ZFPM2: variants seen among roughly 807,000 people sequenced by gnomAD.
ZFPM2 encodes zinc finger protein, FOG family member 2.
In ZFPM2, 20 loss-of-function variants were observed where a neutral mutation model predicts 98.6. That is an observed-to-expected ratio of 0.20 (90% confidence interval 0.14 to 0.29). ZFPM2 has a LOEUF of 0.29. Ranked by LOEUF, ZFPM2 falls within the 10% of genes least tolerant of loss-of-function variation. ZFPM2 has a pLI of 1.00. For missense variants in ZFPM2, 1,310 were observed against 1,388.6 expected, an observed-to-expected ratio of 0.94 and a Z score of 0.90; for synonymous variants, 518 against 502.7, an observed-to-expected ratio of 1.03 and a Z score of -0.41.
chr8:105,427,164 A>G (rs1197422378), intron 2 of ZFPM2, among the ~76,000 whole-genome samples: 1 of 152,216 alleles, frequency 6.6e-6, no homozygotes, highest in Non-Finnish European at 1.5e-5. Flanking sequence ...TTATGAGAGT[A>G]AACATATTCT....
At chr8:105,722,079 G>A (rs1478419470) in intron 5 of ZFPM2, among the ~76,000 whole-genome samples, 1 of 151,472 alleles carries the variant, frequency 6.6e-6, no homozygotes, top group Non-Finnish European at 1.5e-5. Context: ...TCCTTTTTAT[G>A]TAGTTATTAA....
chr8:105,783,670 C>G (rs1385702209), intron 5 of ZFPM2, among the ~76,000 whole-genome samples: 1 of 152,142 alleles, frequency 6.6e-6, no homozygotes, highest in East Asian at 1.9e-4. Context: ...TCATTTCACT[C>G]AGTACAATGT....
At chr8:105,766,732 G>T (rs1387728122) in intron 5 of ZFPM2, among the ~76,000 whole-genome samples, 1 of 151,806 alleles carries the variant, frequency 6.6e-6, no homozygotes, top group African/African-American at 2.4e-5. Context: ...GACTCATTCA[G>T]GAAAATCCAT....
At position 105,529,260 on chromosome 8, in the gene ZFPM2, AC is replaced by A. The variant is rs1221758799; in HGVS notation, c.302-32101del. ...TTGCTCACAGATATTACTTGATTTT[AC>A]CTTGATTACCTTAAATGCCCTACTT... is the stretch of plus-strand genomic sequence containing the variant. On this transcript the variant is annotated intron_variant, in intron 3 of 7. Transcript: ENST00000407775. Among the ~76,000 whole-genome samples, 5 of 152,106 alleles carry A rather than the reference AC, an allele frequency of 3.3e-5. No individual in the cohort carries two copies. The East Asian group carries it at 9.7e-4, about 29-fold the overall frequency.
intron 5 of ZFPM2, among the ~76,000 whole-genome samples, chr8:105,647,554 T>G (rs62528600): frequency 0.17 from 22,177 of 133,790 alleles, 1,984 homozygotes; most frequent in Middle Eastern, 0.32. Context: ...CAGGCCCCAG[T>G]GTGTGATGTT....
At chr8:105,468,233 G>T (rs543640271) in intron 3 of ZFPM2, among the ~76,000 whole-genome samples, 25 of 151,788 alleles carry the variant, frequency 1.6e-4, no homozygotes, top group African/African-American at 5.8e-4. Flanking sequence ...CTTCCCAGGG[G>T]TACTTGACAC....
rs188690943 is a variant in ZFPM2, at chr8:105,511,593, C to T, written c.302-49770C>T. ...ATTTAGACACTTTCTGAACTCATCA[C>T]ATTGCTGATCCAATATTAACATTTT... On this transcript the variant is annotated intron_variant, in intron 3 of 7. Transcript: ENST00000407775. 2.8e-3 allele frequency among the ~76,000 whole-genome samples: 426 copies of T among 152,298 alleles called. 1 individual carries two copies. Among genetic ancestry groups the T allele is most frequent in the African/African-American group, 1.0e-2 (414 of 41,560 alleles).
intron 3 of ZFPM2, among the ~76,000 whole-genome samples, chr8:105,490,688 T>TCC (rs139383732): frequency 0.011 from 1,693 of 152,326 alleles, 26 homozygotes; most frequent in African/African-American, 0.037. Flanking sequence ...AAGGCGGGAA[T>TCC]ACTTTCTTAT....
chr8:105,357,645 G>A (rs1380994073), intron 1 of ZFPM2, among the ~76,000 whole-genome samples: 7 of 151,248 alleles, frequency 4.6e-5, no homozygotes, highest in Admixed American at 4.6e-4. Context: ...AAAATTTTTT[G>A]CCACTTAGAA....
At chr8:105,762,807 A>G (rs1406015832) in intron 5 of ZFPM2, among the ~76,000 whole-genome samples, 1 of 151,966 alleles carries the variant, frequency 6.6e-6, no homozygotes, top group Non-Finnish European at 1.5e-5. Context: ...ATGGCACAGT[A>G]CTGATAACAC....
chr8:105,801,560 C>G lies in ZFPM2; in HGVS notation c.1478C>G (p.Pro493Arg). The G allele has an allele frequency of 6.2e-7, 1 of 1,613,904 alleles. No homozygotes were observed. Among genetic ancestry groups the G allele is most frequent in the Non-Finnish European group, 8.5e-7 (1 of 1,179,868 alleles). Residue 493 changes from proline (P) to arginine (R), a missense_variant, in exon 8 of 8, where the codon CCT (proline) becomes CGT (arginine). By Grantham distance (103) the Pro-to-Arg change is moderately radical. Coordinates refer to ENST00000407775, the MANE Select transcript of ZFPM2 (RefSeq NM_012082.4). ...PVQPNIGPSFPVGPFLSQFSF... is the reference protein window; with the variant it reads ...PVQPNIGPSFRVGPFLSQFSF... ...CAGCCTAATATTGGGCCTTCTTTCC[C>G]TGTGGGCCCTTTCCTATCTCAGTTT...
chr8:105,380,695 A>AC (rs1586329756), intron 1 of ZFPM2, among the ~76,000 whole-genome samples: 1 of 14,190 alleles, frequency 7.0e-5, no homozygotes, highest in Non-Finnish European at 1.2e-4. Flanking sequence ...TATTATATAT[A>AC]ACATATATAA....
rs61304474 is a variant in ZFPM2, at chr8:105,408,682, AT to A, written c.41-10452del. Among the ~76,000 whole-genome samples, 34 of 150,132 alleles carry A rather than the reference AT, an allele frequency of 2.3e-4. No individual in the cohort carries two copies. In the Middle Eastern group the frequency reaches 0.017, roughly 76 times the overall value. ...CAACAATGCTTTGTTTTATGTGAGG[AT>A]TTTTTTTTTCTGGCTGTGCAAAGAA... On this transcript the variant is annotated intron_variant, in intron 1 of 7. Coordinates refer to ENST00000407775, the MANE Select transcript of ZFPM2 (RefSeq NM_012082.4).
At chr8:105,516,903 G>A (rs149969749) in intron 3 of ZFPM2, among the ~76,000 whole-genome samples, 19 of 152,236 alleles carry the variant, frequency 1.2e-4, no homozygotes, top group African/African-American at 4.6e-4. Context: ...CCCACAATTA[G>A]CCAGTGATAA....
intron 1 of ZFPM2, among the ~76,000 whole-genome samples, chr8:105,386,926 G>A (rs1055833892): frequency 6.6e-6 from 1 of 152,138 alleles, no homozygotes; most frequent in Non-Finnish European, 1.5e-5. Context: ...CCCCACCAGA[G>A]TAGGTAGATA....
intron 1 of ZFPM2, among the ~76,000 whole-genome samples, chr8:105,358,824 G>A (rs1300893636): frequency 6.6e-6 from 1 of 152,058 alleles, no homozygotes; most frequent in Non-Finnish European, 1.5e-5. Context: ...GTGTGGTGGT[G>A]CGTGCCTGTA....
chr8:105,582,588 G>C (rs1207373731), intron 4 of ZFPM2, among the ~76,000 whole-genome samples: 1 of 152,118 alleles, frequency 6.6e-6, no homozygotes, highest in Non-Finnish European at 1.5e-5. Flanking sequence ...TTTGGCAGCA[G>C]TGTTTGTTTG....
intron 3 of ZFPM2, among the ~76,000 whole-genome samples, chr8:105,491,245 C>G (rs1161443802): frequency 6.6e-6 from 1 of 152,038 alleles, no homozygotes; most frequent in East Asian, 1.9e-4. Context: ...TCTTTCACCT[C>G]TTGGTCAAAG....
intron 3 of ZFPM2, among the ~76,000 whole-genome samples, chr8:105,495,816 C>A (rs977314619): frequency 6.6e-6 from 1 of 152,208 alleles, no homozygotes; most frequent in South Asian, 2.1e-4. Context: ...CCTGCTGCCA[C>A]CAGTTTTACA....
Sources: allele counts gnomAD v4.1 joint callset (sites outside exome capture counted in the v4.1 genomes callset), GRCh38; gene constraint gnomAD v4.1.1; transcripts MANE v1.5; gene names NCBI Gene and HGNC (gene_info 2026-07-23, HGNC 2026-07-21).